The following MED27 variants were observed in gnomAD, a reference collection of about 807,000 sequenced individuals.
The protein encoded by MED27 is mediator of RNA polymerase II transcription subunit 27.
MED27 carries 30 observed loss-of-function variants against 38.2 expected under a neutral mutation model. The observed-to-expected ratio is 0.79, with a 90% CI of 0.59 to 1.07. MED27 has a LOEUF of 1.07. Ranked by LOEUF, MED27 falls within the 50% of genes least tolerant of loss-of-function variation. The pLI is 0.00. For synonymous variants in MED27, 122 were observed against 153.5 expected (o/e 0.79, Z 1.52); for missense variants, 289 against 397.5 (o/e 0.73, Z 2.32).
intron 4 of MED27, among the ~76,000 whole-genome samples, chr9:131,927,468 G>T (rs1830502884): frequency 6.6e-6 from 1 of 152,250 alleles, no homozygotes; most frequent in Non-Finnish European, 1.5e-5. Context: ...ACATATGAAA[G>T]TCAAAGATGC....
At chr9:131,908,553 G>A (rs1338302297) in intron 4 of MED27, among the ~76,000 whole-genome samples, 1 of 152,172 alleles carries the variant, frequency 6.6e-6, no homozygotes, top group Non-Finnish European at 1.5e-5. Context: ...TCTGCCTTGG[G>A]ATCCTGTTGA....
Position 131,932,396 on chromosome 9 carries a change from G to A in MED27, c.573+6985C>T, listed in dbSNP as rs138634921. Among the ~76,000 whole-genome samples, 224 of 143,660 alleles carry A rather than the reference G, an allele frequency of 1.6e-3. 2 individuals carry two copies. The highest frequency in any genetic ancestry group is 5.5e-3 in the African/African-American group (216 of 39,336). 94.2% of individuals were successfully genotyped at this position (143,660 alleles called of 152,430 possible). A position where few individuals can be genotyped will look rare whatever the true frequency, so the allele number is the denominator to read the frequency against. ...GACTAATTAGGGAAAAAAAAAAAGA[G>A]AGAAGATACAAATAAAATAAGAGAT... On this transcript the variant is annotated intron_variant, in intron 4 of 7. Coordinates refer to ENST00000292035, the MANE Select transcript of MED27 (RefSeq NM_004269.4).
At chr9:131,895,917 G>C (rs79027624) in intron 4 of MED27, among the ~76,000 whole-genome samples, 1 of 139,626 alleles carries the variant, frequency 7.2e-6, no homozygotes, top group East Asian at 2.5e-4. Context: ...TTTTTTTTTT[G>C]AGGCGAAGTC....
intron 2 of MED27, among the ~76,000 whole-genome samples, chr9:132,028,614 T>C (rs1467861892): frequency 6.6e-6 from 1 of 152,106 alleles, no homozygotes; most frequent in Non-Finnish European, 1.5e-5. Context: ...TCCCAAGTAA[T>C]ATGGAATTTT....
At chr9:131,909,031 C>T (rs999627688) in intron 4 of MED27, among the ~76,000 whole-genome samples, 4 of 152,004 alleles carry the variant, frequency 2.6e-5, no homozygotes, top group African/African-American at 7.3e-5. Context: ...AGGGTGGTGG[C>T]AGTAGAGAAG....
intron 4 of MED27, among the ~76,000 whole-genome samples, chr9:131,926,497 C>T (rs923518060): frequency 2.6e-5 from 4 of 152,250 alleles, no homozygotes; most frequent in African/African-American, 9.6e-5. Context: ...CCCTGCTTCC[C>T]CTCTAGCCGT....
chr9:131,973,405 G>A (rs1462524075), intron 3 of MED27, among the ~76,000 whole-genome samples: 3 of 151,958 alleles, frequency 2.0e-5, no homozygotes, highest in African/African-American at 4.8e-5. Context: ...TGAAGAAATC[G>A]GCCGCAGGGC....
intron 4 of MED27, among the ~76,000 whole-genome samples, chr9:131,931,273 AGAAT>A (rs1830581350): frequency 6.6e-6 from 1 of 152,084 alleles, no homozygotes; most frequent in African/African-American, 2.4e-5. Flanking sequence ...TAAAATATAA[AGAAT>A]GAATAAATAA....
chr9:131,891,967 G>A (rs1292905973), intron 5 of MED27, among the ~76,000 whole-genome samples: 1 of 152,176 alleles, frequency 6.6e-6, no homozygotes, highest in African/African-American at 2.4e-5. Context: ...CCAATTAGGT[G>A]GGGGTACTGT....
At chr9:131,894,776 A>G (rs553267538) in intron 4 of MED27, among the ~76,000 whole-genome samples, 1 of 152,136 alleles carries the variant, frequency 6.6e-6, no homozygotes, top group Admixed American at 6.5e-5. Context: ...TCCCCCCATC[A>G]AAACTCAGCT....
At chr9:132,004,177 G>C (rs1832304251) in intron 3 of MED27, among the ~76,000 whole-genome samples, 1 of 152,170 alleles carries the variant, frequency 6.6e-6, no homozygotes, top group Non-Finnish European at 1.5e-5. Flanking sequence ...ACAGATTTCA[G>C]TCTGTGGCTT....
chr9:131,931,590 C>T (rs1275933367), intron 4 of MED27, among the ~76,000 whole-genome samples: 3 of 152,094 alleles, frequency 2.0e-5, no homozygotes, highest in East Asian at 1.9e-4. Flanking sequence ...AAAAGCAAGA[C>T]CCATTGATCT....
At chr9:131,865,710 C>T (rs542785462) in intron 6 of MED27, among the ~76,000 whole-genome samples, 1 of 152,242 alleles carries the variant, frequency 6.6e-6, no homozygotes, top group Non-Finnish European at 1.5e-5. Context: ...CCACCTCCAT[C>T]CATTTCAGCC....
At chr9:132,037,670 A>C (rs1370761331) in intron 2 of MED27, among the ~76,000 whole-genome samples, 1 of 152,338 alleles carries the variant, frequency 6.6e-6, no homozygotes, top group East Asian at 1.9e-4. Flanking sequence ...TGGCAATGAC[A>C]GAAAACCGGA....
intron 4 of MED27, 49 bp downstream of exon 4, chr9:131,939,332 G>T: frequency 7.8e-7 from 1 of 1,278,074 alleles, no homozygotes; most frequent in Non-Finnish European, 1.1e-6. Flanking sequence ...TAATTGTGAA[G>T]TCCATTTTTT....
At chr9:132,079,049 C>A (rs960207829) in intron 1 of MED27, among the ~76,000 whole-genome samples, 1 of 152,154 alleles carries the variant, frequency 6.6e-6, no homozygotes, top group South Asian at 2.1e-4. Flanking sequence ...GAGAGTAGGT[C>A]TCTACTGCGG....
chr9:131,891,337 G>A (rs963412843), intron 5 of MED27, among the ~76,000 whole-genome samples: 2 of 152,234 alleles, frequency 1.3e-5, no homozygotes, highest in East Asian at 3.8e-4. Flanking sequence ...CAGAGGCTGC[G>A]CCATGAGGCA....
intron 3 of MED27, among the ~76,000 whole-genome samples, chr9:131,960,410 G>A (rs189315441): frequency 4.6e-5 from 7 of 152,296 alleles, no homozygotes; most frequent in Admixed American, 4.6e-4. Context: ...GGGTGTGTGT[G>A]TGCGCTCGTG....
chr9:132,075,425 C>T (rs1054342018), intron 2 of MED27, among the ~76,000 whole-genome samples: 1 of 152,218 alleles, frequency 6.6e-6, no homozygotes, highest in Non-Finnish European at 1.5e-5. Flanking sequence ...CACCTCCTCA[C>T]ATTGCTCATA....
Sources: gnomAD v4.1 joint callset for allele counts (sites outside exome capture counted in the v4.1 genomes callset) on GRCh38, gnomAD v4.1.1 for gene constraint, MANE v1.5 for transcripts, NCBI Gene and HGNC (gene_info 2026-07-23, HGNC 2026-07-21) for gene names.